SLC4A10: variants seen among roughly 807,000 people sequenced by gnomAD.
The protein encoded by SLC4A10 is solute carrier family 4 member 10.
In SLC4A10, 42 loss-of-function variants were observed where a neutral mutation model predicts 137.7. The observed-to-expected ratio is 0.30, with a 90% CI of 0.24 to 0.39. SLC4A10 has a LOEUF of 0.39. SLC4A10 is among the 10% of genes least tolerant of loss of function. The probability of loss-of-function intolerance (pLI) is 1.00; values close to 1 mark genes in which losing one functional copy is unlikely to be tolerated. For synonymous variants in SLC4A10, 474 were observed against 464.1 expected (o/e 1.02, Z -0.27); for missense variants, 925 against 1,355.0 (o/e 0.68, Z 4.98).
At chr2:161,800,056 G>C (rs1399030048) in intron 2 of SLC4A10, among the ~76,000 whole-genome samples, 1 of 151,982 alleles carries the variant, frequency 6.6e-6, no homozygotes, top group East Asian at 1.9e-4. Flanking sequence ...AGTAGCTCTG[G>C]GATTTTGTTC....
chr2:161,699,091 C>G (rs1160374877), intron 1 of SLC4A10, among the ~76,000 whole-genome samples: 1 of 152,190 alleles, frequency 6.6e-6, no homozygotes, highest in East Asian at 1.9e-4. Flanking sequence ...GCGATCTCAG[C>G]TCACTGCAAG....
Position 161,724,855 on chromosome 2 carries a change from T to A in SLC4A10, c.49-46118T>A, listed in dbSNP as rs558150356. 2.6e-5 allele frequency among the ~76,000 whole-genome samples: 4 copies of A among 152,320 alleles called. No individual in the cohort carries two copies. The South Asian group carries it at 8.3e-4, about 32-fold the overall frequency. On this transcript the variant is annotated intron_variant, in intron 1 of 26. Coordinates refer to ENST00000446997, the MANE Select transcript of SLC4A10 (RefSeq NM_001178015.2). Reference sequence around the variant, plus strand: ...TGAAACAACTAATTCTTAGTTGTTTTCTTCTAATGTTTTTCTGGATTCCAG... The same window carrying A: ...TGAAACAACTAATTCTTAGTTGTTTACTTCTAATGTTTTTCTGGATTCCAG...
chr2:161,921,563 T>C (rs1688135517), intron 15 of SLC4A10, among the ~76,000 whole-genome samples: 1 of 152,196 alleles, frequency 6.6e-6, no homozygotes, highest in Admixed American at 6.5e-5. Flanking sequence ...TTATCCAGGA[T>C]TGATTCACTT....
chr2:161,628,200 A>G (rs1045815298), intron 1 of SLC4A10, among the ~76,000 whole-genome samples: 5 of 152,070 alleles, frequency 3.3e-5, no homozygotes, highest in Non-Finnish European at 7.4e-5. Flanking sequence ...TTATCAGGCC[A>G]TGGAAGAAGC....
At chr2:161,632,745 T>C (rs547048133) in intron 1 of SLC4A10, among the ~76,000 whole-genome samples, 1 of 151,554 alleles carries the variant, frequency 6.6e-6, no homozygotes, top group East Asian at 1.9e-4. Context: ...AGGGTAGCAC[T>C]AAGGAAACCA....
At position 161,863,122 on chromosome 2, in the gene SLC4A10, C is replaced by T. The variant is rs778126300; in HGVS notation, c.766+60C>T. The T allele has an allele frequency of 2.6e-5, 36 of 1,394,388 alleles. No homozygotes were observed. In the Middle Eastern group the frequency reaches 5.6e-4, roughly 22 times the overall value. The allele number at this position is 1,394,388 out of a possible 1,614,324, so 86.4% of individuals were successfully genotyped here. A position where few individuals can be genotyped will look rare whatever the true frequency, so the allele number is the denominator to read the frequency against. On this transcript the variant is annotated intron_variant, in intron 6 of 26. Coordinates refer to ENST00000446997, the MANE Select transcript of SLC4A10 (RefSeq NM_001178015.2). Reference sequence around the variant, plus strand: ...TATAGGTCTCTGACATATCAAAGCGCTTCTAAATCTTTTAAAACTTGTTTT... The same window carrying T: ...TATAGGTCTCTGACATATCAAAGCGTTTCTAAATCTTTTAAAACTTGTTTT...
At chr2:161,870,311 G>A (rs576908424) in intron 6 of SLC4A10, among the ~76,000 whole-genome samples, 10 of 151,518 alleles carry the variant, frequency 6.6e-5, no homozygotes, top group Admixed American at 3.3e-4. Flanking sequence ...GTTAAGTTCC[G>A]CATATTTTCT....
chr2:161,972,150 T>C (rs1698642841), intron 23 of SLC4A10, among the ~76,000 whole-genome samples: 1 of 152,178 alleles, frequency 6.6e-6, no homozygotes, highest in Non-Finnish European at 1.5e-5. Context: ...AATGATATCA[T>C]ATACCAGGCT....
chr2:161,766,340 T>C (rs2050791873), intron 1 of SLC4A10, among the ~76,000 whole-genome samples: 1 of 152,134 alleles, frequency 6.6e-6, no homozygotes, highest in African/African-American at 2.4e-5. Flanking sequence ...ATAGCATAGG[T>C]GCCTTATATA....
chr2:161,965,269 T>C, intron 23 of SLC4A10, 96 bp downstream of exon 23: 1 of 1,330,778 alleles, frequency 7.5e-7, no homozygotes, highest in African/African-American at 1.5e-5. Flanking sequence ...TTAGACAGTT[T>C]TGTCTTTAGA....
intron 11 of SLC4A10, among the ~76,000 whole-genome samples, chr2:161,898,398 A>G (rs1381135947): frequency 5.3e-5 from 8 of 152,132 alleles, no homozygotes; most frequent in Non-Finnish European, 1.0e-4. Context: ...TCTTTTCAAC[A>G]TTCATGTTTT....
intron 10 of SLC4A10, among the ~76,000 whole-genome samples, chr2:161,882,961 C>A (rs950252965): frequency 6.6e-6 from 1 of 152,046 alleles, no homozygotes; most frequent in East Asian, 1.9e-4. Context: ...TGTAACAGAG[C>A]ATGTAAATTT....
intron 1 of SLC4A10, among the ~76,000 whole-genome samples, chr2:161,699,583 T>C (rs1448091908): frequency 2.0e-5 from 3 of 152,198 alleles, no homozygotes; most frequent in African/African-American, 7.2e-5. Context: ...GAATCATACA[T>C]ATGATTTGTC....
intron 16 of SLC4A10, among the ~76,000 whole-genome samples, chr2:161,946,879 G>A (rs185324704): frequency 6.6e-6 from 1 of 152,144 alleles, no homozygotes; most frequent in African/African-American, 2.4e-5. Flanking sequence ...GTCCAAGTTC[G>A]ATAGTCCCAT....
chr2:161,910,137 A>G (rs577386369), intron 15 of SLC4A10, among the ~76,000 whole-genome samples: 86 of 152,250 alleles, frequency 5.6e-4, no homozygotes, highest in Non-Finnish European at 9.6e-4. Flanking sequence ...TAGGATCTAT[A>G]TTTCAGATTT....
At chr2:161,818,463 C>T (rs1257633638) in intron 3 of SLC4A10, among the ~76,000 whole-genome samples, 1 of 152,108 alleles carries the variant, frequency 6.6e-6, no homozygotes. Context: ...ATTGAATGCC[C>T]TTTATTTCCT....
Position 161,887,867 on chromosome 2 carries a change from G to A in SLC4A10, c.1194+5423G>A, listed in dbSNP as rs1559465658. Among the ~76,000 whole-genome samples, 7 of 152,160 alleles carry A rather than the reference G, an allele frequency of 4.6e-5. No homozygotes were observed. The South Asian group carries it at 1.4e-3, about 32-fold the overall frequency. ...CCATTGCTTTTGGTGTTTTAGTCAT[G>A]AAGTCTTTGCCTATGCCTATGTCCT... is the stretch of plus-strand genomic sequence containing the variant. On this transcript the variant is annotated intron_variant, in intron 10 of 26. Coordinates refer to ENST00000446997, the MANE Select transcript of SLC4A10 (RefSeq NM_001178015.2).
rs1457584367 is a variant in SLC4A10 at position 161,862,913 on chromosome 2, A to G, written c.617A>G (p.Asn206Ser). The change falls in exon 6 of 27, where the codon AAT becomes AGT. Residue 206 changes from asparagine to serine, a missense_variant. Around this residue, in one of 11 missense-constraint regions of SLC4A10, gnomAD observed 277 missense variants for 306.1 expected, o/e 0.90. Transcript: ENST00000446997. Reference sequence around the variant, plus strand: ...CAACAAGTGAGCTCAGGTCAGCTGAATGAAGATGTACGCCATAGGGTCCAT... The same window carrying G: ...CAACAAGTGAGCTCAGGTCAGCTGAGTGAAGATGTACGCCATAGGGTCCAT... ...LDQQVSSGQL[N>S]EDVRHRVHEA... 1.2e-6 allele frequency: 2 copies of G among 1,611,676 alleles called. No individual in the cohort carries two copies. The highest frequency in any genetic ancestry group is 2.2e-5 in the East Asian group (1 of 44,828).
At chr2:161,640,177 A>G (rs574644534) in intron 1 of SLC4A10, among the ~76,000 whole-genome samples, 1 of 152,250 alleles carries the variant, frequency 6.6e-6, no homozygotes, top group South Asian at 2.1e-4. Context: ...ATAATCCAGT[A>G]CTTTGTTGCT....
Sources: allele counts gnomAD v4.1 joint callset (sites outside exome capture counted in the v4.1 genomes callset), GRCh38; gene constraint gnomAD v4.1.1; regional missense constraint gnomAD v4.1.1; transcripts MANE v1.5; gene names NCBI Gene and HGNC (gene_info 2026-07-23, HGNC 2026-07-21).